The following PTPRD variants were observed in gnomAD, a reference collection of about 807,000 sequenced individuals.
PTPRD encodes receptor-type tyrosine-protein phosphatase delta.
PTPRD carries 34 observed loss-of-function variants against 214.5 expected under a neutral mutation model. The ratio of observed to expected loss-of-function variants is 0.16; its 90% confidence interval spans 0.12 to 0.21. PTPRD has a LOEUF of 0.21. PTPRD is among the 10% of genes least tolerant of loss of function. The pLI, the probability that PTPRD is intolerant of heterozygous loss-of-function variation, is 1.00. For missense variants in PTPRD, 2,545 were observed against 2,398.7 expected, an observed-to-expected ratio of 1.06 and a Z score of -1.27; for synonymous variants, 1,128 against 845.7, an observed-to-expected ratio of 1.33 and a Z score of -5.79.
chr9:8,417,133 C>T (rs2093995845), intron 35 of PTPRD, among the ~76,000 whole-genome samples: 1 of 151,964 alleles, frequency 6.6e-6, no homozygotes, highest in Admixed American at 6.6e-5. Context: ...GTTGTTATTG[C>T]CAAAATTTTT....
At chr9:9,755,748 T>C (rs2098563838) in intron 6 of PTPRD, among the ~76,000 whole-genome samples, 2 of 152,062 alleles carry the variant, frequency 1.3e-5, no homozygotes, top group South Asian at 2.1e-4. Flanking sequence ...TGATACAGCA[T>C]AGGAATTACT....
intron 3 of PTPRD, among the ~76,000 whole-genome samples, chr9:10,076,213 C>T (rs895910084): frequency 6.6e-6 from 1 of 152,116 alleles, no homozygotes; most frequent in African/African-American, 2.4e-5. Flanking sequence ...CTCTATCTCC[C>T]TCATCTCCAG....
chr9:9,006,087 T>G (rs1404081640), intron 11 of PTPRD, among the ~76,000 whole-genome samples: 1 of 152,010 alleles, frequency 6.6e-6, no homozygotes, highest in Non-Finnish European at 1.5e-5. Flanking sequence ...AGATGGCTGT[T>G]GTCTGGTTTA....
chr9:8,785,348 G>A (rs2095899162), intron 11 of PTPRD, among the ~76,000 whole-genome samples: 1 of 152,208 alleles, frequency 6.6e-6, no homozygotes, highest in South Asian at 2.1e-4. Context: ...AATCTGGCTG[G>A]AGTAGGGGAC....
intron 11 of PTPRD, among the ~76,000 whole-genome samples, chr9:8,926,563 G>C (rs1440591524): frequency 6.6e-6 from 1 of 152,136 alleles, no homozygotes; most frequent in South Asian, 2.1e-4. Flanking sequence ...CCAACTCAGT[G>C]CCTTGTTCAC....
rs1395938662 is a variant in PTPRD, at chr9:8,724,736, C to A, written c.64+9044G>T. ...AGAGCTTGAGCCCAGGATTCTGAGACCAGCCTGGGCAACATGAGGAAACCC... is the reference window on the plus strand; with the variant it reads ...AGAGCTTGAGCCCAGGATTCTGAGAACAGCCTGGGCAACATGAGGAAACCC... On this transcript the variant is annotated intron_variant, in intron 12 of 45. Transcript: ENST00000381196. Among the ~76,000 whole-genome samples the A allele has an allele frequency of 2.0e-5, 3 of 151,838 alleles. No individual in the cohort carries two copies. In the East Asian group the frequency reaches 5.8e-4, roughly 29 times the overall value.
chr9:9,164,811 G>A (rs1048213432), intron 10 of PTPRD, among the ~76,000 whole-genome samples: 6 of 151,738 alleles, frequency 4.0e-5, no homozygotes, highest in Middle Eastern at 3.4e-3. Context: ...TCAGGAGTTC[G>A]TGACCAGCCT....
At chr9:10,265,247 G>T (rs1027366443) in intron 3 of PTPRD, among the ~76,000 whole-genome samples, 1 of 152,118 alleles carries the variant, frequency 6.6e-6, no homozygotes, top group East Asian at 1.9e-4. Context: ...GCTTTTGGAA[G>T]TCCTACAACA....
intron 6 of PTPRD, among the ~76,000 whole-genome samples, chr9:9,737,483 A>T (rs867941337): frequency 6.6e-6 from 1 of 152,276 alleles, no homozygotes; most frequent in South Asian, 2.1e-4. Context: ...CCTATATAGT[A>T]CCTATTAGCA....
At position 9,165,726 on chromosome 9, in the gene PTPRD, G is replaced by A. The variant is rs542867763; in HGVS notation, c.-143+17578C>T. The stretch of plus-strand genomic sequence containing the variant: ...TTCACGGGGGGCCACATATTAACAA[G>A]GAGATAAGTTAGAAGTCAATAACCA... On this transcript the variant is annotated intron_variant, in intron 10 of 45. Coordinates refer to ENST00000381196, the MANE Select transcript of PTPRD (RefSeq NM_002839.4). 3.3e-5 allele frequency among the ~76,000 whole-genome samples: 5 copies of A among 152,234 alleles called. No individual in the cohort carries two copies. In the East Asian group the frequency reaches 9.7e-4, roughly 29 times the overall value.
chr9:9,375,570 T>C (rs187920705), intron 9 of PTPRD, among the ~76,000 whole-genome samples: 1 of 152,112 alleles, frequency 6.6e-6, no homozygotes, highest in African/African-American at 2.4e-5. Context: ...CACTCTAGCC[T>C]GGGCAACAGG....
At chr9:8,755,306 G>C (rs965868371) in intron 11 of PTPRD, among the ~76,000 whole-genome samples, 3 of 151,780 alleles carry the variant, frequency 2.0e-5, no homozygotes, top group African/African-American at 7.3e-5. Flanking sequence ...GAGGTGGACG[G>C]ATCACATGAG....
intron 9 of PTPRD, among the ~76,000 whole-genome samples, chr9:9,261,462 G>C (rs2099980074): frequency 6.6e-6 from 1 of 151,752 alleles, no homozygotes; most frequent in South Asian, 2.1e-4. Flanking sequence ...TATCATAATG[G>C]GAGAGACAAT....
chr9:10,399,313 C>T (rs994127117), intron 2 of PTPRD, among the ~76,000 whole-genome samples: 1 of 151,906 alleles, frequency 6.6e-6, no homozygotes, highest in Non-Finnish European at 1.5e-5. Flanking sequence ...CTGTTAAACA[C>T]TTACATATCA....
At chr9:9,644,171 C>A (rs1201026791) in intron 7 of PTPRD, among the ~76,000 whole-genome samples, 1 of 152,074 alleles carries the variant, frequency 6.6e-6, no homozygotes, top group African/African-American at 2.4e-5. Flanking sequence ...TTCTTTGTGA[C>A]AGTAGCAGCA....
At chr9:9,828,456 A>T (rs139105495) in intron 5 of PTPRD, among the ~76,000 whole-genome samples, 122 of 152,212 alleles carry the variant, frequency 8.0e-4, no homozygotes, top group African/African-American at 2.7e-3. Flanking sequence ...AACAATGAGA[A>T]CACATGGACA....
chr9:10,476,544 G>C lies in PTPRD; in HGVS notation c.-599-135527C>G, dbSNP rs1341409869. Among the ~76,000 whole-genome samples the C allele has an allele frequency of 3.9e-5, 6 of 152,134 alleles. No individual in the cohort carries two copies. In the East Asian group the frequency reaches 1.2e-3, roughly 29 times the overall value. On this transcript the variant is annotated intron_variant, in intron 2 of 45. Transcript: ENST00000381196. ...CTCATGGGTAGGAAGAATCAATATT[G>C]TGAAAATGGCCATGCAGACCAAAGT... is the stretch of plus-strand genomic sequence containing the variant.
At chr9:9,709,518 A>G (rs965078305) in intron 7 of PTPRD, among the ~76,000 whole-genome samples, 1 of 152,050 alleles carries the variant, frequency 6.6e-6, no homozygotes, top group African/African-American at 2.4e-5. Flanking sequence ...CAAGAAACAA[A>G]TAATGAGCTA....
chr9:8,808,311 TACTCCGTGCAGAC>T (rs745309889), intron 11 of PTPRD, among the ~76,000 whole-genome samples: 71 of 152,270 alleles, frequency 4.7e-4, no homozygotes, highest in Non-Finnish European at 8.2e-4. Context: ...ACCACAATCC[TACTCCGTGCAGAC>T]ACTGCGTCAA....
Sources: gnomAD v4.1 joint callset for allele counts (sites outside exome capture counted in the v4.1 genomes callset) on GRCh38, gnomAD v4.1.1 for gene constraint, MANE v1.5 for transcripts, NCBI Gene and HGNC (gene_info 2026-07-23, HGNC 2026-07-21) for gene names.